The following TCTN2 variants were observed in gnomAD, a reference collection of about 807,000 sequenced individuals.
TCTN2 encodes the protein tectonic-2.
In TCTN2, 66 loss-of-function variants were observed where a neutral mutation model predicts 83.4. The observed-to-expected ratio is 0.79, with a 90% CI of 0.65 to 0.97. The LOEUF (loss-of-function observed/expected upper bound fraction) is 0.97, where lower values mean the gene tolerates loss of function less well. TCTN2 is among the 50% of genes least tolerant of loss of function. The pLI, the probability that TCTN2 is intolerant of heterozygous loss-of-function variation, is 0.00. For missense variants in TCTN2, 794 were observed against 858.1 expected, an observed-to-expected ratio of 0.93 and a Z score of 0.93; for synonymous variants, 301 against 326.7, an observed-to-expected ratio of 0.92 and a Z score of 0.85.
intron 3 of TCTN2, 75 bp from the exon 4 acceptor site, chr12:123,673,540 T>C (rs1955781722): frequency 7.0e-6 from 10 of 1,430,860 alleles, no homozygotes. Flanking sequence ...TGTACTTTTA[T>C]TGTGTTTTCC....
At chr12:123,706,503 C>T (rs780961210) in intron 15 of TCTN2, among the ~76,000 whole-genome samples, 3 of 152,138 alleles carry the variant, frequency 2.0e-5, no homozygotes, top group Non-Finnish European at 2.9e-5. Context: ...TGTTGCTGGG[C>T]GACAGGCCCA....
intron 4 of TCTN2, among the ~76,000 whole-genome samples, chr12:123,676,681 A>G (rs1401641986): frequency 6.6e-6 from 1 of 151,392 alleles, no homozygotes; most frequent in African/African-American, 2.4e-5. Context: ...TGAGTGATTG[A>G]GTTGTCAGCT....
Position 123,682,918 on chromosome 12 carries a change from C to T in TCTN2, c.564+3629C>T, listed in dbSNP as rs895849432. Among the ~76,000 whole-genome samples the T allele has an allele frequency of 4.6e-5, 7 of 151,876 alleles. No homozygotes were observed. The East Asian group carries it at 7.7e-4, about 17-fold the overall frequency. On this transcript the variant is annotated intron_variant, in intron 5 of 17. Coordinates refer to ENST00000303372, the MANE Select transcript of TCTN2 (RefSeq NM_024809.5). ...TTCAGAAACCATTGTTTAATCCTGG[C>T]GAAATACACATTTAAAATTTTTTGG... is the stretch of plus-strand genomic sequence containing the variant.
chr12:123,703,700 G>A (rs58183874), intron 14 of TCTN2, among the ~76,000 whole-genome samples: 3,437 of 152,162 alleles, frequency 0.023, 142 homozygotes, highest in African/African-American at 0.078. Flanking sequence ...ATGTTGCCCA[G>A]GCTGGTCTCA....
Position 123,694,895 on chromosome 12 carries a change from T to A in TCTN2, c.1153T>A (p.Tyr385Asn). ...TAGAATTGTGAATGTGGAAGAACAT[T>A]ATATTTTCAAATGGAATAATAATAC... ...TPRIVNVEEH[Y>N]IFKWNNNTIS... Residue 385 changes from tyrosine to asparagine, a missense_variant, in exon 10 of 18, where the codon TAT becomes AAT. By Grantham distance (143) the Tyr-to-Asn change is moderately radical. Transcript: ENST00000303372. 1 of 1,613,448 alleles carries A rather than the reference T, an allele frequency of 6.2e-7. No individual in the cohort carries two copies. Among genetic ancestry groups the A allele is most frequent in the South Asian group, 1.1e-5 (1 of 91,074 alleles).
intron 9 of TCTN2, 40 bp downstream of exon 9, chr12:123,692,763 A>G (rs768812026): frequency 3.7e-5 from 54 of 1,477,658 alleles, no homozygotes; most frequent in Non-Finnish European, 4.9e-5. Flanking sequence ...CTTCAGAAAC[A>G]GATATGTCAT....
At chr12:123,674,703 G>C (rs1955799861) in intron 4 of TCTN2, among the ~76,000 whole-genome samples, 1 of 152,138 alleles carries the variant, frequency 6.6e-6, no homozygotes, top group Non-Finnish European at 1.5e-5. Flanking sequence ...AGACCAACCT[G>C]GGCAACACAG....
chr12:123,708,191 C>T lies in TCTN2; in HGVS notation c.*478C>T. The stretch of plus-strand genomic sequence containing the variant: ...TATTTTTGGTAAAGACGGGGTTTCG[C>T]CTTGTTGCCCAGGGTGGTCTGTAAC... On this transcript the variant is annotated 3_prime_UTR_variant, in exon 18 of 18. Coordinates refer to ENST00000303372, the MANE Select transcript of TCTN2 (RefSeq NM_024809.5). 5.5e-6 allele frequency: 1 copy of T among 182,880 alleles called. No individual in the cohort carries two copies. The highest frequency in any genetic ancestry group is 1.1e-5 in the Non-Finnish European group (1 of 87,180). 11.3% of individuals were successfully genotyped at this position (182,880 alleles called of 1,614,324 possible).
intron 15 of TCTN2, among the ~76,000 whole-genome samples, chr12:123,706,052 G>T (rs750879749): frequency 6.6e-6 from 1 of 152,044 alleles, no homozygotes; most frequent in Non-Finnish European, 1.5e-5. Flanking sequence ...CACCGTGCCC[G>T]GCCCCTCCTC....
chr12:123,671,329 A>G lies in TCTN2; in HGVS notation c.82+7A>G. On this transcript the variant is annotated splice_region_variant and intron_variant, in intron 1 of 17. Coordinates refer to ENST00000303372, the MANE Select transcript of TCTN2 (RefSeq NM_024809.5). ...CTTCTGTGGGGGGACCTGGGTGTGT[A>G]CGGCGCGGCAGTGACCTCGGTGGGC... The G allele has an allele frequency of 6.2e-7, 1 of 1,613,128 alleles. No individual in the cohort carries two copies. Among genetic ancestry groups the G allele is most frequent in the East Asian group, 2.2e-5 (1 of 44,838 alleles).
In TCTN2 at chr12:123,686,989, C is replaced by G; in HGVS notation, c.718C>G (p.Pro240Ala). Residue 240 changes from proline to alanine, a missense_variant, in exon 6 of 18, where the codon CCC becomes GCC. Pro to Ala is a conservative substitution (Grantham distance 27). Coordinates refer to ENST00000303372, the MANE Select transcript of TCTN2 (RefSeq NM_024809.5). ...DWFPFLCVQS[P>A]LANTPFLGYF... ...GTTTCCCTTTCTGTGTGTGCAGTCC[C>G]CCCTTGCCAACACACCCTTCCTTGG... is the stretch of plus-strand genomic sequence containing the variant. 1 of 1,614,130 alleles carries G rather than the reference C, an allele frequency of 6.2e-7. No individual in the cohort carries two copies. Among genetic ancestry groups the G allele is most frequent in the East Asian group, 2.2e-5 (1 of 44,860 alleles).
In TCTN2 at chr12:123,671,501, G is replaced by A. The variant is rs756232884; in HGVS notation, c.83-6G>A. ...CCCCTCCTTGTCCCCTTTCCTTCCC[G>A]CCTAGCTTTCATCCCTCCTTTTATC... On this transcript the variant is annotated splice_polypyrimidine_tract_variant and splice_region_variant and intron_variant, in intron 1 of 17. Coordinates refer to ENST00000303372, the MANE Select transcript of TCTN2 (RefSeq NM_024809.5). 3.8e-5 allele frequency: 61 copies of A among 1,613,746 alleles called. No homozygotes were observed. The highest frequency in any genetic ancestry group is 4.9e-5 in the Non-Finnish European group (58 of 1,179,834).
chr12:123,672,477 T>A (rs1955766906), intron 3 of TCTN2, among the ~76,000 whole-genome samples: 1 of 152,194 alleles, frequency 6.6e-6, no homozygotes, highest in African/African-American at 2.4e-5. Context: ...GGCTCACGCC[T>A]GTACTCATAG....
intron 12 of TCTN2, 45 bp from the exon 13 acceptor site, chr12:123,697,042 T>C (rs1434199175): frequency 1.3e-6 from 2 of 1,487,978 alleles, no homozygotes; most frequent in Non-Finnish European, 1.9e-6. Flanking sequence ...ATCTTTACTT[T>C]TGTTTAGCAA....
At position 123,706,821 on chromosome 12, in the gene TCTN2, T is replaced by G. The variant is rs1277000832; in HGVS notation, c.1865T>G (p.Ile622Ser). The G allele has an allele frequency of 3.1e-6, 5 of 1,614,060 alleles. No homozygotes were observed. The Admixed American group carries it at 8.3e-5, about 27-fold the overall frequency. Reference protein sequence around the residue: ...PISASVQFIKIPAQLPHPLTR... With the variant: ...PISASVQFIKSPAQLPHPLTR... ...AGTGCATCCGTCCAGTTTATTAAAA[T>G]TCCTGCACAGTTACCCCACCCCCTG... The change falls in exon 16 of 18, where the codon ATT becomes AGT. Residue 622 changes from isoleucine (I) to serine (S), a missense_variant. By Grantham distance (142) the Ile-to-Ser change is moderately radical. Transcript: ENST00000303372.
At chr12:123,674,366 G>T (rs1472773541) in intron 4 of TCTN2, among the ~76,000 whole-genome samples, 1 of 152,024 alleles carries the variant, frequency 6.6e-6, no homozygotes, top group Non-Finnish European at 1.5e-5. Flanking sequence ...CACTTCCTGG[G>T]CTTAAGCGAT....
intron 5 of TCTN2, among the ~76,000 whole-genome samples, chr12:123,682,665 G>A (rs1393743456): frequency 2.6e-5 from 4 of 151,312 alleles, no homozygotes; most frequent in East Asian, 2.0e-4. Context: ...TATTTTTAGC[G>A]CAGATGGGGT....
intron 14 of TCTN2, among the ~76,000 whole-genome samples, chr12:123,701,484 A>G (rs1399763849): frequency 1.3e-5 from 2 of 152,122 alleles, no homozygotes; most frequent in Admixed American, 1.3e-4. Flanking sequence ...CATATCTGTA[A>G]TCCCAGCACT....
At chr12:123,696,364 C>A in intron 11 of TCTN2, 51 bp from the exon 12 acceptor site, 1 of 1,441,912 alleles carries the variant, frequency 6.9e-7, no homozygotes, top group Non-Finnish European at 9.8e-7. Flanking sequence ...AGAGTTAGGG[C>A]TTGCTATGCT....
Sources: allele counts gnomAD v4.1 joint callset (sites outside exome capture counted in the v4.1 genomes callset), GRCh38; gene constraint gnomAD v4.1.1; transcripts MANE v1.5; gene names NCBI Gene and HGNC (gene_info 2026-07-23, HGNC 2026-07-21).